ROBO1: variants seen among roughly 807,000 people sequenced by gnomAD.
ROBO1 encodes the protein roundabout guidance receptor 1, also known as roundabout homolog 1.
In ROBO1, 149 loss-of-function variants were observed where a neutral mutation model predicts 195.9. The observed-to-expected ratio is 0.76, with a 90% CI of 0.67 to 0.87. The LOEUF is 0.87. ROBO1 is among the 40% of genes least tolerant of loss of function. ROBO1 has a pLI of 0.00. For synonymous variants in ROBO1, 816 were observed against 733.2 expected, an observed-to-expected ratio of 1.11 and a Z score of -1.82; for missense variants, 1,933 against 2,068.3, an observed-to-expected ratio of 0.93 and a Z score of 1.27.
chr3:79,455,076 T>G (rs1041868345), intron 2 of ROBO1, among the ~76,000 whole-genome samples: 2 of 152,042 alleles, frequency 1.3e-5, no homozygotes, highest in African/African-American at 4.8e-5. Context: ...ATTACCTAAT[T>G]GGTTAAAGTT....
chr3:79,334,797 T>C (rs1198014667), intron 2 of ROBO1, among the ~76,000 whole-genome samples: 1 of 152,076 alleles, frequency 6.6e-6, no homozygotes, highest in South Asian at 2.1e-4. Context: ...TGGATCTGCT[T>C]TTATAAGTTA....
intron 3 of ROBO1, among the ~76,000 whole-genome samples, chr3:79,096,669 T>C (rs2079573156): frequency 6.6e-6 from 1 of 151,082 alleles, no homozygotes; most frequent in Non-Finnish European, 1.5e-5. Flanking sequence ...CATATATGTG[T>C]ATATATATGT....
chr3:79,437,221 T>C (rs1462972047), intron 2 of ROBO1, among the ~76,000 whole-genome samples: 1 of 151,936 alleles, frequency 6.6e-6, no homozygotes, highest in East Asian at 1.9e-4. Flanking sequence ...GAAAGCAAGA[T>C]CCAATGAAAG....
intron 1 of ROBO1, among the ~76,000 whole-genome samples, chr3:79,708,087 T>C (rs369780928): frequency 6.6e-6 from 1 of 152,144 alleles, no homozygotes; most frequent in Non-Finnish European, 1.5e-5. Flanking sequence ...CTGTGGCATA[T>C]TGACCATTTT....
intron 2 of ROBO1, among the ~76,000 whole-genome samples, chr3:79,298,426 A>C (rs1294460055): frequency 6.6e-6 from 1 of 152,100 alleles, no homozygotes; most frequent in African/African-American, 2.4e-5. Flanking sequence ...TCCCCTCAGG[A>C]GGCAGGGTTT....
intron 3 of ROBO1, among the ~76,000 whole-genome samples, chr3:79,058,749 T>C (rs1372646508): frequency 6.6e-6 from 1 of 152,128 alleles, no homozygotes; most frequent in African/African-American, 2.4e-5. Context: ...GGTTCGAGCT[T>C]GAGAAGGAAT....
intron 2 of ROBO1, among the ~76,000 whole-genome samples, chr3:79,588,426 T>G (rs1163802663): frequency 6.6e-6 from 1 of 151,628 alleles, no homozygotes; most frequent in Non-Finnish European, 1.5e-5. Flanking sequence ...AATAACTGTA[T>G]CATGGACTAA....
chr3:79,238,567 A>T (rs1257984135), intron 2 of ROBO1, among the ~76,000 whole-genome samples: 2 of 152,214 alleles, frequency 1.3e-5, no homozygotes, highest in Admixed American at 6.5e-5. Context: ...CCTCATTTAT[A>T]AAGTGGAGAT....
chr3:78,993,054 CT>C (rs1035052086), intron 3 of ROBO1, among the ~76,000 whole-genome samples: 1 of 152,130 alleles, frequency 6.6e-6, no homozygotes, highest in Non-Finnish European at 1.5e-5. Flanking sequence ...CTCAATTCTC[CT>C]CTCATAATCC....
chr3:78,671,010 A>C (rs1708033638), intron 10 of ROBO1, among the ~76,000 whole-genome samples: 1 of 152,196 alleles, frequency 6.6e-6, no homozygotes, highest in Non-Finnish European at 1.5e-5. Flanking sequence ...CAAACACCAT[A>C]CTTCTCTATT....
At chr3:79,255,482 G>A (rs1000720306) in intron 2 of ROBO1, among the ~76,000 whole-genome samples, 9 of 152,278 alleles carry the variant, frequency 5.9e-5, no homozygotes, top group Non-Finnish European at 1.3e-4. Flanking sequence ...TGATTTTACT[G>A]CTGAGCTAAG....
At chr3:78,792,113 G>C (rs1038917831) in intron 4 of ROBO1, among the ~76,000 whole-genome samples, 1 of 152,178 alleles carries the variant, frequency 6.6e-6, no homozygotes, top group African/African-American at 2.4e-5. Flanking sequence ...TGACTTTCAT[G>C]TAGGATGGTT....
chr3:78,612,674 CTTG>C (rs1476901101), intron 28 of ROBO1, among the ~76,000 whole-genome samples: 2 of 152,136 alleles, frequency 1.3e-5, no homozygotes, highest in African/African-American at 4.8e-5. Flanking sequence ...AGCATAAAGA[CTTG>C]TTAGTACAGT....
At chr3:79,610,990 T>C (rs1258678154) in intron 1 of ROBO1, among the ~76,000 whole-genome samples, 1 of 152,092 alleles carries the variant, frequency 6.6e-6, no homozygotes, top group Admixed American at 6.6e-5. Flanking sequence ...GATTGGCTTA[T>C]TATAATCTCT....
rs867820396 is a variant in ROBO1, at chr3:79,524,590, A to T, written c.88+65234T>A. Among the ~76,000 whole-genome samples, 7 of 152,162 alleles carry T rather than the reference A, an allele frequency of 4.6e-5. No homozygotes were observed. In the South Asian group the frequency reaches 1.4e-3, roughly 31 times the overall value. On this transcript the variant is annotated intron_variant, in intron 2 of 30. Transcript: ENST00000464233. The stretch of plus-strand genomic sequence containing the variant: ...AAGGGGCTTTCAGATTTTTAAAGCT[A>T]AGTATTGCATTTGTCTAAACAACTC...
At chr3:79,474,162 A>G (rs539979875) in intron 2 of ROBO1, among the ~76,000 whole-genome samples, 9 of 152,148 alleles carry the variant, frequency 5.9e-5, no homozygotes, top group Non-Finnish European at 1.3e-4. Flanking sequence ...AGCTTTATAC[A>G]AGATCCCATT....
At chr3:79,603,703 C>T (rs894359800) in intron 1 of ROBO1, among the ~76,000 whole-genome samples, 3 of 151,816 alleles carry the variant, frequency 2.0e-5, no homozygotes, top group Non-Finnish European at 4.4e-5. Context: ...TGTTTTGTGT[C>T]CTTTCAGGGT....
At chr3:78,711,390 C>CTTTCTTTCTTTCTTTCTTT (rs1491298185) in intron 8 of ROBO1, among the ~76,000 whole-genome samples, 1 of 35,088 alleles carries the variant, frequency 2.8e-5, no homozygotes, top group African/African-American at 9.8e-5. Context: ...TTCCTTCCTT[C>CTTTCTTTCTTTCTTTCTTT]CTTCCTTCCT....
At chr3:78,806,445 T>C (rs2084542446) in intron 4 of ROBO1, among the ~76,000 whole-genome samples, 1 of 152,082 alleles carries the variant, frequency 6.6e-6, no homozygotes, top group African/African-American at 2.4e-5. Context: ...TAAAAGTGTT[T>C]TGTGACGGGA....
Sources: allele counts gnomAD v4.1 joint callset (sites outside exome capture counted in the v4.1 genomes callset), GRCh38; gene constraint gnomAD v4.1.1; transcripts MANE v1.5; gene names NCBI Gene and HGNC (gene_info 2026-07-23, HGNC 2026-07-21).